SEMA3A: variants seen among roughly 807,000 people sequenced by gnomAD.
The protein encoded by SEMA3A is semaphorin-3A.
SEMA3A carries 29 observed loss-of-function variants against 97.9 expected under a neutral mutation model. The ratio of observed to expected loss-of-function variants is 0.30; its 90% CI spans 0.22 to 0.40. The LOEUF is 0.40. Among genes scored for constraint, SEMA3A ranks in the 10% least tolerant of loss-of-function variants. SEMA3A has a pLI of 1.00. For missense variants in SEMA3A, 763 were observed against 951.3 expected (o/e 0.80, Z 2.60); for synonymous variants, 321 against 323.7 (o/e 0.99, Z 0.09).
At chr7:84,085,273 T>C (rs1192509729) in intron 4 of SEMA3A, among the ~76,000 whole-genome samples, 1 of 151,456 alleles carries the variant, frequency 6.6e-6, no homozygotes, top group African/African-American at 2.4e-5. Context: ...ATGGACTGCA[T>C]TGAAGTTTAG....
intron 13 of SEMA3A, among the ~76,000 whole-genome samples, chr7:83,983,259 C>CT (rs149972034): frequency 1.4e-5 from 2 of 143,386 alleles, no homozygotes; most frequent in East Asian, 2.0e-4. Flanking sequence ...TTCTTTCTTT[C>CT]TTTTTCTTTC....
At chr7:84,181,117 G>A (rs1797723323) in intron 1 of SEMA3A, among the ~76,000 whole-genome samples, 1 of 151,680 alleles carries the variant, frequency 6.6e-6, no homozygotes, top group Admixed American at 6.6e-5. Context: ...TCTTTCTTTT[G>A]CCCCCTTTTC....
At chr7:84,079,255 G>GA (rs1794066037) in intron 4 of SEMA3A, among the ~76,000 whole-genome samples, 1 of 151,846 alleles carries the variant, frequency 6.6e-6, no homozygotes, top group Non-Finnish European at 1.5e-5. Context: ...AACCCTAGAA[G>GA]AAAACCTAGG....
chr7:84,441,819 C>T (rs887940739), intron 1 of SEMA3A, among the ~76,000 whole-genome samples: 3 of 152,116 alleles, frequency 2.0e-5, no homozygotes, highest in African/African-American at 7.2e-5. Flanking sequence ...AAGACATCCT[C>T]AGTTAGATCA....
chr7:84,304,059 G>T (rs1381436980), intron 3 of SEMA3A, among the ~76,000 whole-genome samples: 1 of 152,062 alleles, frequency 6.6e-6, no homozygotes, highest in African/African-American at 2.4e-5. Flanking sequence ...CTCACTCACT[G>T]AAGTAATATT....
At chr7:84,409,069 A>G (rs925944883) in intron 1 of SEMA3A, among the ~76,000 whole-genome samples, 2 of 148,556 alleles carry the variant, frequency 1.3e-5, no homozygotes, top group South Asian at 2.1e-4. Context: ...ATATATATGT[A>G]TATATATATT....
At chr7:84,107,386 TTGAC>T (rs1377708509) in intron 4 of SEMA3A, among the ~76,000 whole-genome samples, 1 of 152,228 alleles carries the variant, frequency 6.6e-6, no homozygotes, top group Non-Finnish European at 1.5e-5. Context: ...ATTTCATAGA[TTGAC>T]TGTCTAGACT....
At chr7:84,229,435 CTATTTAACCTTGGATTAT>C (rs1230826599) in intron 3 of SEMA3A, among the ~76,000 whole-genome samples, 1 of 152,084 alleles carries the variant, frequency 6.6e-6, no homozygotes, top group South Asian at 2.1e-4. Context: ...CATTATCAAT[CTATTTAACCTTGGATTAT>C]TATTTAACCT....
chr7:84,375,145 G>A (rs1200935527), intron 1 of SEMA3A, among the ~76,000 whole-genome samples: 2 of 152,012 alleles, frequency 1.3e-5, no homozygotes, highest in African/African-American at 4.8e-5. Flanking sequence ...TCAGCCTCCT[G>A]AGTAGCTGGG....
chr7:84,114,868 T>G (rs910108668), intron 3 of SEMA3A, among the ~76,000 whole-genome samples: 5 of 152,132 alleles, frequency 3.3e-5, no homozygotes, highest in African/African-American at 1.2e-4. Context: ...GTTAGAAATC[T>G]CTTCTCCAAA....
chr7:83,989,897 AC>A (rs887628395), intron 12 of SEMA3A, among the ~76,000 whole-genome samples: 1 of 150,980 alleles, frequency 6.6e-6, no homozygotes, highest in African/African-American at 2.4e-5. Flanking sequence ...TACCACACTG[AC>A]TTCCACAATG....
chr7:84,351,197 A>G (rs1802430343), intron 2 of SEMA3A, among the ~76,000 whole-genome samples: 1 of 151,948 alleles, frequency 6.6e-6, no homozygotes, highest in Non-Finnish European at 1.5e-5. Flanking sequence ...CAATGCCAAC[A>G]TTTCTAATGA....
At chr7:84,290,882 C>T (rs1800724749) in intron 3 of SEMA3A, among the ~76,000 whole-genome samples, 1 of 152,022 alleles carries the variant, frequency 6.6e-6, no homozygotes, top group Non-Finnish European at 1.5e-5. Flanking sequence ...CTTTTCTTTG[C>T]CCCTAAAATC....
At position 84,442,386 on chromosome 7, in the gene SEMA3A, G is replaced by A. The variant is rs539614218; in HGVS notation, c.-246+50074C>T. Among the ~76,000 whole-genome samples the A allele has an allele frequency of 2.6e-5, 4 of 151,992 alleles. No individual in the cohort carries two copies. The South Asian group carries it at 6.2e-4, about 24-fold the overall frequency. ...GTTTGTATTTTATTGAAGTTATGCT[G>A]GTGTAAATTCAAATTGAAGTGCTAT... On this transcript the variant is annotated intron_variant, in intron 1 of 3. Coordinates refer to the SEMA3A transcript ENST00000424555.
intron 1 of SEMA3A, among the ~76,000 whole-genome samples, chr7:84,396,520 A>G (rs1803737455): frequency 2.6e-5 from 4 of 152,098 alleles, no homozygotes. Flanking sequence ...CACTGTAATA[A>G]TAAGTTCAAT....
chr7:84,014,281 G>GA lies in SEMA3A; in HGVS notation c.737dup (p.Phe247LeufsTer3). On this transcript the variant is annotated frameshift_variant, in exon 7 of 17. Coordinates refer to ENST00000265362, the MANE Select transcript of SEMA3A (RefSeq NM_006080.3). LOFTEE classifies it high-confidence loss of function. ...CTCCATCTATTGCATTTTCACGGAA[G>GA]AAAAAGTATACTTTGTCATCTTCAG... 2 of 1,613,122 alleles carry GA rather than the reference G, an allele frequency of 1.2e-6. No individual in the cohort carries two copies. The highest frequency in any genetic ancestry group is 1.7e-6 in the Non-Finnish European group (2 of 1,179,416).
chr7:83,964,448 T>A (rs1788593296), intron 15 of SEMA3A, among the ~76,000 whole-genome samples: 1 of 152,242 alleles, frequency 6.6e-6, no homozygotes, highest in South Asian at 2.1e-4. Context: ...ACTCTTGTCA[T>A]AATCAACTGA....
intron 12 of SEMA3A, among the ~76,000 whole-genome samples, chr7:83,986,311 T>G (rs1317905023): frequency 6.6e-6 from 1 of 152,158 alleles, no homozygotes; most frequent in Non-Finnish European, 1.5e-5. Context: ...TACACTCAGG[T>G]CTTTGCCAGA....
intron 4 of SEMA3A, among the ~76,000 whole-genome samples, chr7:84,098,718 T>C (rs1047298723): frequency 2.0e-4 from 31 of 152,064 alleles, no homozygotes; most frequent in African/African-American, 6.0e-4. Flanking sequence ...TAGAACTAAG[T>C]ATTAATAAGC....
Sources: allele counts gnomAD v4.1 joint callset (sites outside exome capture counted in the v4.1 genomes callset), GRCh38; gene constraint gnomAD v4.1.1; transcripts MANE v1.5; gene names NCBI Gene and HGNC (gene_info 2026-07-23, HGNC 2026-07-21).